ATP10A: variants seen among roughly 807,000 people sequenced by gnomAD.
The protein encoded by ATP10A is phospholipid-transporting ATPase VA.
A neutral mutation model predicts 147.8 loss-of-function variants in ATP10A; 111 were observed. That is an observed-to-expected ratio of 0.75 (90% CI 0.64 to 0.88). The LOEUF (loss-of-function observed/expected upper bound fraction) is 0.88. Among genes scored for constraint, ATP10A ranks in the 40% least tolerant of loss-of-function variants. The pLI, the probability that ATP10A is intolerant of heterozygous loss-of-function variation, is 0.00. For missense variants in ATP10A, 1,927 were observed against 1,959.0 expected, an observed-to-expected ratio of 0.98 and a Z score of 0.31; for synonymous variants, 875 against 841.6, an observed-to-expected ratio of 1.04 and a Z score of -0.69.
intron 2 of ATP10A, among the ~76,000 whole-genome samples, chr15:25,769,809 G>T (rs1160853085): frequency 6.6e-6 from 1 of 152,154 alleles, no homozygotes; most frequent in Non-Finnish European, 1.5e-5. Context: ...CCAGATTCAT[G>T]CGTTCAAATC....
chr15:25,711,042 A>T (rs1189437852), intron 10 of ATP10A, among the ~76,000 whole-genome samples: 2 of 152,080 alleles, frequency 1.3e-5, no homozygotes, highest in African/African-American at 4.8e-5. Context: ...TGACTCGTCC[A>T]GGGTCATCCC....
intron 1 of ATP10A, among the ~76,000 whole-genome samples, chr15:25,860,113 G>A (rs532313977): frequency 1.3e-5 from 2 of 152,276 alleles, no homozygotes; most frequent in East Asian, 3.9e-4. Flanking sequence ...GCTCTGTGCT[G>A]TCTGGGTGCC....
intron 2 of ATP10A, among the ~76,000 whole-genome samples, chr15:25,765,861 G>C (rs1436616696): frequency 6.6e-6 from 1 of 152,182 alleles, no homozygotes; most frequent in Non-Finnish European, 1.5e-5. Context: ...CAGTGCTGAG[G>C]GCGGCCACCC....
chr15:25,737,685 G>T (rs1005366260), intron 2 of ATP10A, among the ~76,000 whole-genome samples: 1 of 152,104 alleles, frequency 6.6e-6, no homozygotes, highest in Non-Finnish European at 1.5e-5. Context: ...CTCATCCGCC[G>T]CTAGAACTCA....
chr15:25,834,682 T>G (rs1319609199), intron 1 of ATP10A, among the ~76,000 whole-genome samples: 2 of 152,228 alleles, frequency 1.3e-5, no homozygotes, highest in African/African-American at 2.4e-5. Context: ...CACAGCAGCA[T>G]TATTCATAGT....
At position 25,775,770 on chromosome 15, in the gene ATP10A, T is replaced by C. The variant is rs150753087; in HGVS notation, c.654+5249A>G. Among the ~76,000 whole-genome samples the C allele has an allele frequency of 7.2e-5, 11 of 152,324 alleles. No homozygotes were observed. In the East Asian group the frequency reaches 2.1e-3, roughly 29 times the overall value. On this transcript the variant is annotated intron_variant, in intron 2 of 20. Transcript: ENST00000555815. Reference sequence around the variant, plus strand: ...TGTTGGAAACTATTTTCTCAGTAAATTAACCCACACAGAAGTCACCTCTGG... The same window carrying C: ...TGTTGGAAACTATTTTCTCAGTAAACTAACCCACACAGAAGTCACCTCTGG...
chr15:25,747,944 T>C (rs984208658), intron 2 of ATP10A, among the ~76,000 whole-genome samples: 3 of 152,086 alleles, frequency 2.0e-5, no homozygotes, highest in East Asian at 1.9e-4. Flanking sequence ...TACAAGTCTA[T>C]CTTATTTAGG....
At chr15:25,839,582 G>A (rs1193404860) in intron 1 of ATP10A, among the ~76,000 whole-genome samples, 2 of 152,156 alleles carry the variant, frequency 1.3e-5, no homozygotes, top group Non-Finnish European at 2.9e-5. Flanking sequence ...GAGCATGCTG[G>A]GTCCTGAAAA....
intron 12 of ATP10A, 116 bp downstream of exon 12, chr15:25,707,860 G>A: frequency 2.1e-6 from 3 of 1,404,482 alleles, no homozygotes; most frequent in Non-Finnish European, 2.9e-6. Flanking sequence ...CCTGCCAGGT[G>A]GCTCCCTAAC....
At chr15:25,801,382 G>A (rs527641542) in intron 1 of ATP10A, among the ~76,000 whole-genome samples, 1 of 152,308 alleles carries the variant, frequency 6.6e-6, no homozygotes, top group East Asian at 1.9e-4. Context: ...GCCAATCACG[G>A]CTCTGAGCCT....
chr15:25,727,051 G>A (rs1466314284), intron 4 of ATP10A, 109 bp downstream of exon 4: 13 of 453,428 alleles, frequency 2.9e-5, no homozygotes, highest in Non-Finnish European at 4.6e-5. Flanking sequence ...TGCGAGACTC[G>A]TCTCAAAAAA....
rs941156505 is a variant in ATP10A, at chr15:25,863,145, G to C, written c.-49C>G. The C allele has an allele frequency of 1.8e-6, 2 of 1,099,590 alleles. No homozygotes were observed. The highest frequency in any genetic ancestry group is 4.3e-5 in the South Asian group (1 of 23,104). The allele number at this position is 1,099,590 out of a possible 1,614,324, so 68.1% of individuals were successfully genotyped here. A position where few individuals can be genotyped will look rare whatever the true frequency, so the allele number is the denominator to read the frequency against. Reference sequence around the variant, plus strand: ...TCCTCCGCCGCTCACGCCCGCCCGCGCCGGCCTCTTAGGTTATCATCACTC... The same window carrying C: ...TCCTCCGCCGCTCACGCCCGCCCGCCCCGGCCTCTTAGGTTATCATCACTC... On this transcript the variant is annotated 5_prime_UTR_variant, in exon 1 of 21. Coordinates refer to ENST00000555815, the MANE Select transcript of ATP10A (RefSeq NM_024490.4).
intron 1 of ATP10A, among the ~76,000 whole-genome samples, chr15:25,859,392 C>A (rs116807021): frequency 6.6e-6 from 1 of 152,200 alleles, no homozygotes; most frequent in Non-Finnish European, 1.5e-5. Flanking sequence ...GGGTCTCAAG[C>A]GCAGGCAGCC....
chr15:25,815,943 A>T (rs543987087), intron 1 of ATP10A, among the ~76,000 whole-genome samples: 1 of 151,932 alleles, frequency 6.6e-6, no homozygotes, highest in African/African-American at 2.4e-5. Flanking sequence ...TCTAAGGGTT[A>T]ATCTGACAAT....
intron 1 of ATP10A, among the ~76,000 whole-genome samples, chr15:25,801,635 G>A (rs937118272): frequency 3.9e-5 from 6 of 152,174 alleles, no homozygotes; most frequent in Admixed American, 2.0e-4. Context: ...GGTTTAATCC[G>A]GTGTGGGACA....
intron 7 of ATP10A, among the ~76,000 whole-genome samples, chr15:25,720,965 C>A (rs1266650054): frequency 1.3e-5 from 2 of 152,162 alleles, no homozygotes; most frequent in Admixed American, 1.3e-4. Context: ...GGAAATGGAC[C>A]CCAGGCTGCA....
chr15:25,792,615 C>T lies in ATP10A; in HGVS notation c.450-11392G>A, dbSNP rs530525909. Reference sequence around the variant, plus strand: ...CCTCTATGTGGATGTCCAACCCCAACCCCCCAAGCACTGGCCTGGTGAGGG... The same window carrying T: ...CCTCTATGTGGATGTCCAACCCCAATCCCCCAAGCACTGGCCTGGTGAGGG... On this transcript the variant is annotated intron_variant, in intron 1 of 20. Transcript: ENST00000555815. Among the ~76,000 whole-genome samples, 18 of 152,298 alleles carry T rather than the reference C, an allele frequency of 1.2e-4. No individual in the cohort carries two copies. The South Asian group carries it at 3.3e-3, about 28-fold the overall frequency.
chr15:25,735,065 T>C (rs1887195813), intron 3 of ATP10A, among the ~76,000 whole-genome samples: 1 of 151,888 alleles, frequency 6.6e-6, no homozygotes. Flanking sequence ...CCTGGGCCAT[T>C]CAGCGGCTGC....
At chr15:25,847,863 C>T (rs1893097453) in intron 1 of ATP10A, among the ~76,000 whole-genome samples, 1 of 152,008 alleles carries the variant, frequency 6.6e-6, no homozygotes, top group African/African-American at 2.4e-5. Context: ...AACTCCTGAG[C>T]TCAAGCAATC....
Sources: allele counts gnomAD v4.1 joint callset (sites outside exome capture counted in the v4.1 genomes callset), GRCh38; gene constraint gnomAD v4.1.1; transcripts MANE v1.5; gene names NCBI Gene and HGNC (gene_info 2026-07-23, HGNC 2026-07-21).